The following EXOC6B variants were observed in gnomAD, a reference collection of about 807,000 sequenced individuals.
EXOC6B encodes the protein SEC15 homolog B.
EXOC6B carries 54 observed loss-of-function variants against 113.5 expected under a neutral mutation model. That is an observed-to-expected ratio of 0.48 (90% CI 0.38 to 0.60). The LOEUF is 0.60. EXOC6B is among the 20% of genes least tolerant of loss of function. The pLI, the probability that EXOC6B is intolerant of heterozygous loss-of-function variation, is 0.00. For synonymous variants in EXOC6B, 357 were observed against 339.0 expected (o/e 1.05, Z -0.58); for missense variants, 797 against 977.5 (o/e 0.82, Z 2.46).
intron 20 of EXOC6B, among the ~76,000 whole-genome samples, chr2:72,295,753 C>A (rs1252355071): frequency 8.5e-5 from 13 of 152,154 alleles, no homozygotes; most frequent in Non-Finnish European, 1.9e-4. Flanking sequence ...CTTGAAGCAT[C>A]TGTCTACCTA....
intron 18 of EXOC6B, chr2:72,463,995 A>G (rs962178899): frequency 2.0e-5 from 3 of 152,178 alleles, no homozygotes; most frequent in Non-Finnish European, 2.9e-5. Context: ...AGCTCTCTGA[A>G]GTCTCTTTTA....
chr2:72,716,049 G>A (rs1449659476), intron 6 of EXOC6B, among the ~76,000 whole-genome samples: 1 of 152,198 alleles, frequency 6.6e-6, no homozygotes, highest in Non-Finnish European at 1.5e-5. Flanking sequence ...GAATGAGTGA[G>A]ATTACATTTT....
At chr2:72,603,352 C>G (rs1302688349) in intron 6 of EXOC6B, among the ~76,000 whole-genome samples, 1 of 152,092 alleles carries the variant, frequency 6.6e-6, no homozygotes, top group Non-Finnish European at 1.5e-5. Context: ...TCTTTACCCT[C>G]CCTTCCCCTC....
chr2:72,579,862 T>G lies in EXOC6B; in HGVS notation c.670-4194A>C, dbSNP rs190488101. Among the ~76,000 whole-genome samples, 218 of 152,222 alleles carry G rather than the reference T, an allele frequency of 1.4e-3. 1 individual carries two copies. The highest frequency in any genetic ancestry group is 5.2e-3 in the African/African-American group (214 of 41,542). ...TTAGGCCTTAGAGGCCAAATATAAT[T>G]ATATAGGCTTCAATAACAGGGGAGA... On this transcript the variant is annotated intron_variant, in intron 6 of 21. Coordinates refer to ENST00000272427, the MANE Select transcript of EXOC6B (RefSeq NM_015189.3).
intron 6 of EXOC6B, among the ~76,000 whole-genome samples, chr2:72,645,454 C>A (rs1673635400): frequency 6.6e-6 from 1 of 152,206 alleles, no homozygotes; most frequent in African/African-American, 2.4e-5. Context: ...TAGACACCTA[C>A]AGAACTCTCC....
intron 20 of EXOC6B, among the ~76,000 whole-genome samples, chr2:72,201,363 C>T (rs1312295578): frequency 1.3e-5 from 2 of 152,064 alleles, no homozygotes; most frequent in African/African-American, 4.8e-5. Flanking sequence ...GCCCAGAAAG[C>T]AGGCAGCCTG....
intron 5 of EXOC6B, among the ~76,000 whole-genome samples, chr2:72,719,520 G>C (rs1228573134): frequency 6.6e-6 from 1 of 152,178 alleles, no homozygotes; most frequent in Non-Finnish European, 1.5e-5. Context: ...CTGACTAGGA[G>C]GCTGTAGACA....
In EXOC6B at chr2:72,374,311, G is replaced by A. The variant is rs555706848; in HGVS notation, c.2122+5418C>T. Among the ~76,000 whole-genome samples, 14 of 152,272 alleles carry A rather than the reference G, an allele frequency of 9.2e-5. No homozygotes were observed. In the South Asian group the frequency reaches 1.0e-3, roughly 11 times the overall value. ...TTGTCCATCAACAGATATATGGAGA[G>A]AGAAACTGTGGTACTTACACACAAT... On this transcript the variant is annotated intron_variant, in intron 19 of 21. Transcript: ENST00000272427.
chr2:72,376,590 C>T (rs557128323), intron 19 of EXOC6B, among the ~76,000 whole-genome samples: 2 of 151,974 alleles, frequency 1.3e-5, no homozygotes, highest in Admixed American at 6.6e-5. Context: ...TATTTAAATT[C>T]GTGTGTTAAT....
At chr2:72,475,012 A>G (rs1698646552) in intron 17 of EXOC6B, among the ~76,000 whole-genome samples, 1 of 152,206 alleles carries the variant, frequency 6.6e-6, no homozygotes, top group African/African-American at 2.4e-5. Flanking sequence ...TCCTTCAGGT[A>G]TAAATAGTAC....
intron 17 of EXOC6B, among the ~76,000 whole-genome samples, chr2:72,470,627 C>T (rs2105443580): frequency 6.7e-6 from 1 of 150,180 alleles, no homozygotes; most frequent in Non-Finnish European, 1.5e-5. Flanking sequence ...CTCCCCCTAC[C>T]CCACAACAGG....
intron 1 of EXOC6B, among the ~76,000 whole-genome samples, chr2:72,742,752 T>G (rs1478470661): frequency 1.3e-5 from 2 of 152,156 alleles, no homozygotes; most frequent in East Asian, 1.9e-4. Flanking sequence ...CTAAAATCTC[T>G]TCTCTTCTCC....
intron 6 of EXOC6B, among the ~76,000 whole-genome samples, chr2:72,596,410 G>A (rs1242764125): frequency 6.6e-6 from 1 of 152,032 alleles, no homozygotes; most frequent in Non-Finnish European, 1.5e-5. Flanking sequence ...CTCTTTAAGA[G>A]GCCCAGTCTT....
intron 18 of EXOC6B, among the ~76,000 whole-genome samples, chr2:72,437,695 C>A (rs2105320576): frequency 6.6e-6 from 1 of 152,234 alleles, no homozygotes; most frequent in South Asian, 2.1e-4. Flanking sequence ...TGATAACTAG[C>A]TTTTTCAATA....
At chr2:72,265,333 A>G (rs1573124812) in intron 20 of EXOC6B, among the ~76,000 whole-genome samples, 1 of 150,874 alleles carries the variant, frequency 6.6e-6, no homozygotes, top group African/African-American at 2.4e-5. Context: ...TACATGTGCC[A>G]TGCTGGTGTG....
chr2:72,492,645 T>G (rs1699808992), intron 15 of EXOC6B, among the ~76,000 whole-genome samples: 1 of 147,512 alleles, frequency 6.8e-6, no homozygotes, highest in Admixed American at 7.1e-5. Context: ...ATTGTTTTTC[T>G]GTCTATAGAA....
At chr2:72,597,341 C>A (rs979744700) in intron 6 of EXOC6B, among the ~76,000 whole-genome samples, 7 of 151,520 alleles carry the variant, frequency 4.6e-5, no homozygotes, top group Non-Finnish European at 8.9e-5. Flanking sequence ...TGTATCTGCC[C>A]TACTATGAAG....
chr2:72,379,992 T>C, intron 18 of EXOC6B, 122 bp from the exon 19 acceptor site: 1 of 844,504 alleles, frequency 1.2e-6, no homozygotes, highest in Non-Finnish European at 1.7e-6. Context: ...CTCCTCATCA[T>C]AATACCCTTC....
intron 18 of EXOC6B, among the ~76,000 whole-genome samples, chr2:72,408,455 AC>A (rs1459618841): frequency 6.6e-6 from 1 of 152,230 alleles, no homozygotes; most frequent in African/African-American, 2.4e-5. Context: ...ACGCTACCTG[AC>A]TTCAAACCAT....
Sources: allele counts gnomAD v4.1 joint callset (sites outside exome capture counted in the v4.1 genomes callset), GRCh38; gene constraint gnomAD v4.1.1; transcripts MANE v1.5; gene names NCBI Gene and HGNC (gene_info 2026-07-23, HGNC 2026-07-21).